The following VRK2 variants were observed in gnomAD, a reference collection of about 807,000 sequenced individuals.
VRK2 encodes the protein serine/threonine-protein kinase VRK2.
In VRK2, 60 loss-of-function variants were observed where a neutral mutation model predicts 57.6. The observed-to-expected ratio is 1.04, with a 90% confidence interval of 0.85 to 1.29. VRK2 has a LOEUF of 1.29. VRK2 is among the 50% of genes most tolerant of loss of function. The pLI is 0.00. For missense variants in VRK2, 705 were observed against 588.1 expected (o/e 1.20, Z -2.06); for synonymous variants, 231 against 199.2 (o/e 1.16, Z -1.35).
At chr2:57,978,106 A>G (rs528669789) in intron 1 of VRK2, among the ~76,000 whole-genome samples, 7 of 151,164 alleles carry the variant, frequency 4.6e-5, no homozygotes, top group Non-Finnish European at 8.8e-5. Context: ...TTCTACTTTA[A>G]GAGTATTGTT....
chr2:58,153,061 C>T (rs1683296268), intron 12 of VRK2, among the ~76,000 whole-genome samples: 1 of 151,990 alleles, frequency 6.6e-6, no homozygotes, highest in South Asian at 2.1e-4. Flanking sequence ...TAGTGACACT[C>T]TCTTCCCAAT....
chr2:58,000,107 TTTC>T (rs1298790772), intron 1 of VRK2, among the ~76,000 whole-genome samples: 1 of 152,244 alleles, frequency 6.6e-6, no homozygotes, highest in Admixed American at 6.5e-5. Flanking sequence ...CATTCAATTA[TTTC>T]TTCATCATTC....
intron 7 of VRK2, among the ~76,000 whole-genome samples, chr2:58,115,968 G>T (rs1676404669): frequency 6.6e-6 from 1 of 152,194 alleles, no homozygotes. Flanking sequence ...ATATGGGTTT[G>T]GCACCACGGG....
chr2:57,998,092 G>C (rs1295526215), intron 1 of VRK2, among the ~76,000 whole-genome samples: 2 of 152,072 alleles, frequency 1.3e-5, no homozygotes, highest in African/African-American at 4.8e-5. Flanking sequence ...AAAGAATTAG[G>C]GAAGTAATAA....
chr2:58,072,159 G>C (rs1299487002), intron 2 of VRK2, among the ~76,000 whole-genome samples: 1 of 151,922 alleles, frequency 6.6e-6, no homozygotes, highest in Non-Finnish European at 1.5e-5. Context: ...ATTAAGTCCA[G>C]GAGTTTTTTC....
At chr2:57,927,724 T>C (rs1253185568) in intron 1 of VRK2, among the ~76,000 whole-genome samples, 1 of 152,232 alleles carries the variant, frequency 6.6e-6, no homozygotes, top group Admixed American at 6.5e-5. Context: ...AGGACAGGTC[T>C]GGTGTTGATG....
intron 8 of VRK2, among the ~76,000 whole-genome samples, chr2:58,131,022 G>A (rs1679118791): frequency 1.3e-5 from 2 of 151,746 alleles, no homozygotes; most frequent in Non-Finnish European, 2.9e-5. Context: ...GATATAAAAT[G>A]ATACAAGGGC....
At chr2:58,004,580 A>G (rs931390082) in intron 1 of VRK2, among the ~76,000 whole-genome samples, 5 of 152,164 alleles carry the variant, frequency 3.3e-5, no homozygotes, top group Non-Finnish European at 7.4e-5. Context: ...ATCCTTGGAC[A>G]GCCATTTGTC....
At chr2:57,937,014 C>A (rs1572881843) in intron 1 of VRK2, among the ~76,000 whole-genome samples, 1 of 152,186 alleles carries the variant, frequency 6.6e-6, no homozygotes, top group Non-Finnish European at 1.5e-5. Flanking sequence ...GATTCTAGTT[C>A]TTTCTTCCAG....
chr2:58,115,617 C>G (rs891347571), intron 7 of VRK2, among the ~76,000 whole-genome samples: 2 of 152,102 alleles, frequency 1.3e-5, no homozygotes, highest in Admixed American at 1.3e-4. Flanking sequence ...ACTAACCATG[C>G]CTAGGAAGGA....
intron 1 of VRK2, among the ~76,000 whole-genome samples, chr2:57,966,612 A>C (rs925319492): frequency 6.6e-6 from 1 of 152,220 alleles, no homozygotes; most frequent in Non-Finnish European, 1.5e-5. Flanking sequence ...TCAAATAATT[A>C]CAGAAAGTAT....
intron 2 of VRK2, among the ~76,000 whole-genome samples, chr2:58,082,702 T>C (rs1429189930): frequency 6.6e-6 from 1 of 151,836 alleles, no homozygotes; most frequent in African/African-American, 2.4e-5. Flanking sequence ...TGGGTAAAAA[T>C]GAAATAACTT....
intron 1 of VRK2, among the ~76,000 whole-genome samples, chr2:57,947,372 C>T (rs1350887911): frequency 2.6e-5 from 4 of 152,078 alleles, no homozygotes; most frequent in Non-Finnish European, 5.9e-5. Context: ...TACACATGCA[C>T]ATTCAAACAC....
intron 8 of VRK2, among the ~76,000 whole-genome samples, chr2:58,129,730 A>T (rs1264463492): frequency 6.6e-6 from 1 of 152,188 alleles, no homozygotes; most frequent in Admixed American, 6.5e-5. Context: ...TAAACATTCA[A>T]ACTTTTCAAT....
chr2:58,011,604 C>T (rs1447130972), intron 1 of VRK2, among the ~76,000 whole-genome samples: 1 of 152,064 alleles, frequency 6.6e-6, no homozygotes, highest in Non-Finnish European at 1.5e-5. Context: ...AATAATAGTG[C>T]TTAAAATTTT....
intron 1 of VRK2, among the ~76,000 whole-genome samples, chr2:57,956,683 A>C (rs560386078): frequency 6.6e-6 from 1 of 152,306 alleles, no homozygotes; most frequent in African/African-American, 2.4e-5. Flanking sequence ...AGAGGGCAAA[A>C]GCATGGATTA....
At chr2:58,002,737 T>C (rs540708976) in intron 1 of VRK2, among the ~76,000 whole-genome samples, 1 of 152,196 alleles carries the variant, frequency 6.6e-6, no homozygotes, top group Non-Finnish European at 1.5e-5. Context: ...GAAATGTTGA[T>C]GCTATCTTCA....
chr2:58,052,169 C>G (rs565799320), intron 2 of VRK2, among the ~76,000 whole-genome samples: 5 of 152,254 alleles, frequency 3.3e-5, no homozygotes, highest in South Asian at 2.1e-4. Flanking sequence ...CATCTAGTTA[C>G]TTAATCCTTT....
At chr2:58,074,412 T>G (rs1669795543) in intron 2 of VRK2, among the ~76,000 whole-genome samples, 1 of 152,114 alleles carries the variant, frequency 6.6e-6, no homozygotes, top group African/African-American at 2.4e-5. Flanking sequence ...TTGAGCATTT[T>G]GTATGACTCC....
Sources: allele counts gnomAD v4.1 joint callset (sites outside exome capture counted in the v4.1 genomes callset), GRCh38; gene constraint gnomAD v4.1.1; transcripts MANE v1.5; gene names NCBI Gene and HGNC (gene_info 2026-07-23, HGNC 2026-07-21).